The following ANAPC13 variants were observed in gnomAD, a reference collection of about 807,000 sequenced individuals.
ANAPC13 encodes the protein anaphase-promoting complex subunit 13.
A neutral mutation model predicts 9.6 loss-of-function variants in ANAPC13; 9 were observed. The ratio of observed to expected loss-of-function variants is 0.94; its 90% CI spans 0.57 to 1.64. The LOEUF is 1.64. Ranked by LOEUF, ANAPC13 falls within the 40% of genes most tolerant of loss-of-function variation. The pLI is 0.00. For synonymous variants in ANAPC13, 30 were observed against 29.7 expected (o/e 1.01, Z -0.03); for missense variants, 75 against 85.3 (o/e 0.88, Z 0.48).
At position 134,485,944 on chromosome 3, in the gene ANAPC13, A is replaced by T; in HGVS notation, c.-28+8T>A. On this transcript the variant is annotated splice_region_variant and intron_variant, in intron 1 of 2. Transcript: ENST00000354910. ...AAAACCTAGGCCGGGGGCGCTGGAA[A>T]CCCTTACCGGCACCCGGCCACCGCG... 1 of 979,390 alleles carries T rather than the reference A, an allele frequency of 1.0e-6. No individual in the cohort carries two copies. Among genetic ancestry groups the T allele is most frequent in the Non-Finnish European group, 1.2e-6 (1 of 825,704 alleles). 60.7% of individuals were successfully genotyped at this position (979,390 alleles called of 1,614,324 possible). A position where few individuals can be genotyped will look rare whatever the true frequency, so the allele number is the denominator to read the frequency against.
At position 134,485,954 on chromosome 3, in the gene ANAPC13, G is replaced by C. The variant is rs74375630; in HGVS notation, c.-30C>G. ...CCGGGGGCGCTGGAAACCCTTACCG[G>C]CACCCGGCCACCGCGGCAGACGCTT... is the stretch of plus-strand genomic sequence containing the variant. On this transcript the variant is annotated splice_region_variant and 5_prime_UTR_variant, in exon 1 of 3. Coordinates refer to ENST00000354910, the MANE Select transcript of ANAPC13 (RefSeq NM_015391.4). 1.0e-6 allele frequency: 1 copy of C among 981,946 alleles called. No homozygotes were observed. The highest frequency in any genetic ancestry group is 1.2e-4 in the East Asian group (1 of 8,632). 60.8% of individuals were successfully genotyped at this position (981,946 alleles called of 1,614,324 possible). A position where few individuals can be genotyped will look rare whatever the true frequency, so the allele number is the denominator to read the frequency against.
At chr3:134,479,719 C>T (rs1478800582) in intron 2 of ANAPC13, among the ~76,000 whole-genome samples, 1 of 152,080 alleles carries the variant, frequency 6.6e-6, no homozygotes, top group South Asian at 2.1e-4. Context: ...ATAGATAAGA[C>T]CTCCCTCTAG....
intron 1 of ANAPC13, 123 bp from the exon 2 acceptor site, chr3:134,483,054 TGGGCC>T: frequency 1.5e-6 from 1 of 661,410 alleles, no homozygotes; most frequent in Non-Finnish European, 2.7e-6. Flanking sequence ...TTTTCTCATA[TGGGCC>T]GGGTGACTAC....
chr3:134,485,991 G>GGGCC, upstream of ANAPC13: 4 of 938,162 alleles, frequency 4.3e-6, no homozygotes, highest in Non-Finnish European at 3.8e-6. Context: ...CTCCTGCCAC[G>GGGCC]CCCCCCCCCC....
chr3:134,485,500 G>A (rs1935036246), intron 1 of ANAPC13: 1 of 152,234 alleles, frequency 6.6e-6, no homozygotes, highest in Non-Finnish European at 1.5e-5. Context: ...TAAGCACAGA[G>A]CATGGCACCA....
intron 2 of ANAPC13, among the ~76,000 whole-genome samples, chr3:134,481,336 T>C (rs1934729477): frequency 6.6e-6 from 1 of 152,214 alleles, no homozygotes. Flanking sequence ...ATGTGACAAA[T>C]GTATTCTTCA....
chr3:134,484,936 T>G (rs1934963417), intron 1 of ANAPC13, among the ~76,000 whole-genome samples: 1 of 152,224 alleles, frequency 6.6e-6, no homozygotes, highest in Non-Finnish European at 1.5e-5. Context: ...TATTATTGCC[T>G]CCAACTGTTA....
chr3:134,482,463 C>G (rs1286626868), intron 2 of ANAPC13, among the ~76,000 whole-genome samples: 1 of 152,176 alleles, frequency 6.6e-6, no homozygotes, highest in East Asian at 1.9e-4. Context: ...AAGTAAGAAA[C>G]AGAGCTCATA....
upstream of ANAPC13, chr3:134,485,991 G>GCCCGCCC: frequency 1.1e-6 from 1 of 938,170 alleles, no homozygotes; most frequent in Non-Finnish European, 1.3e-6. Flanking sequence ...CTCCTGCCAC[G>GCCCGCCC]CCCCCCCCCC....
chr3:134,479,178 C>T (rs1934678502), intron 2 of ANAPC13, among the ~76,000 whole-genome samples: 1 of 152,168 alleles, frequency 6.6e-6, no homozygotes, highest in Non-Finnish European at 1.5e-5. Flanking sequence ...GTGGGGTATC[C>T]AGTGCTCAAG....
At chr3:134,480,930 G>A (rs772686845) in intron 2 of ANAPC13, among the ~76,000 whole-genome samples, 1 of 152,152 alleles carries the variant, frequency 6.6e-6, no homozygotes, top group Non-Finnish European at 1.5e-5. Context: ...CCTTAGAATC[G>A]CAAGACAAGC....
In ANAPC13 at chr3:134,482,918, T is replaced by G; in HGVS notation, c.-14A>C. ...CTCACTGTCCATTTTCCTGCAGCTT[T>G]GATCTTGTCAAATCTGTAAGCCAAA... On this transcript the variant is annotated 5_prime_UTR_variant, in exon 2 of 3. Coordinates refer to ENST00000354910, the MANE Select transcript of ANAPC13 (RefSeq NM_015391.4). The G allele has an allele frequency of 1.2e-6, 2 of 1,602,678 alleles. No homozygotes were observed. The highest frequency in any genetic ancestry group is 1.7e-6 in the Non-Finnish European group (2 of 1,169,504).
Position 134,483,685 on chromosome 3 carries a change from T to C in ANAPC13, c.-27-754A>G, listed in dbSNP as rs80190156. Among the ~76,000 whole-genome samples, 131 of 152,312 alleles carry C rather than the reference T, an allele frequency of 8.6e-4. 3 individuals are homozygous for C. The East Asian group carries it at 9.8e-3, about 11-fold the overall frequency. On this transcript the variant is annotated intron_variant, in intron 1 of 2. Transcript: ENST00000354910. ...CTTGTAGGATACTTCTGGATTTCCC[T>C]GTTTCCAAGGTTGGGCCCTGACTCA...
chr3:134,483,694 G>A (rs1442210385), intron 1 of ANAPC13, among the ~76,000 whole-genome samples: 1 of 152,160 alleles, frequency 6.6e-6, no homozygotes, highest in Non-Finnish European at 1.5e-5. Context: ...CTGTTTCCAA[G>A]GTTGGGCCCT....
At chr3:134,484,119 C>T (rs1398931750) in intron 1 of ANAPC13, among the ~76,000 whole-genome samples, 8 of 152,198 alleles carry the variant, frequency 5.3e-5, no homozygotes, top group African/African-American at 1.9e-4. Context: ...CGGTGGCTCG[C>T]GCCTGTAATC....
chr3:134,484,349 T>C (rs1448279350), intron 1 of ANAPC13, among the ~76,000 whole-genome samples: 1 of 151,364 alleles, frequency 6.6e-6, no homozygotes, highest in Non-Finnish European at 1.5e-5. Context: ...CACGCGCCAC[T>C]GCACTCCAGC....
chr3:134,481,183 A>G (rs1246381957), intron 2 of ANAPC13, among the ~76,000 whole-genome samples: 2 of 152,196 alleles, frequency 1.3e-5, no homozygotes, highest in East Asian at 1.9e-4. Flanking sequence ...AATGCTGGCT[A>G]AACTGATTTT....
At chr3:134,482,146 T>G (rs1934747801) in intron 2 of ANAPC13, among the ~76,000 whole-genome samples, 1 of 152,250 alleles carries the variant, frequency 6.6e-6, no homozygotes, top group Non-Finnish European at 1.5e-5. Flanking sequence ...TCAGGGCAGC[T>G]GGCATGCTTT....
At chr3:134,484,830 C>T (rs943352148) in intron 1 of ANAPC13, among the ~76,000 whole-genome samples, 3 of 152,172 alleles carry the variant, frequency 2.0e-5, no homozygotes, top group Non-Finnish European at 2.9e-5. Flanking sequence ...TCAAATCACT[C>T]GAGCTTCAGT....
Sources: allele counts gnomAD v4.1 joint callset (sites outside exome capture counted in the v4.1 genomes callset), GRCh38; gene constraint gnomAD v4.1.1; transcripts MANE v1.5; gene names NCBI Gene and HGNC (gene_info 2026-07-23, HGNC 2026-07-21).